Variants in GALK2 observed in about 807,000 individuals in gnomAD.
GALK2 encodes galactokinase 2, also known as N-acetylgalactosamine kinase.
A neutral mutation model predicts 52.4 loss-of-function variants in GALK2; 36 were observed. The ratio of observed to expected loss-of-function variants is 0.69; its 90% confidence interval spans 0.53 to 0.91. GALK2 has a LOEUF of 0.91. GALK2 is among the 40% of genes least tolerant of loss of function. The pLI is 0.00. For missense variants in GALK2, 579 were observed against 559.1 expected, an observed-to-expected ratio of 1.04 and a Z score of -0.36; for synonymous variants, 176 against 199.1, an observed-to-expected ratio of 0.88 and a Z score of 0.98.
intron 1 of GALK2, 49 bp from the exon 2 acceptor site, chr15:49,201,113 C>T (rs376528974): frequency 1.1e-4 from 108 of 953,288 alleles, no homozygotes; most frequent in Non-Finnish European, 1.6e-4. Context: ...TGTTATGTTA[C>T]GGATTTTCTG....
chr15:49,350,536 G>A (rs2042091086), intron 3 of GALK2, among the ~76,000 whole-genome samples: 1 of 152,072 alleles, frequency 6.6e-6, no homozygotes, highest in African/African-American at 2.4e-5. Context: ...AAGAATAGTG[G>A]GGGAAAGCAA....
chr15:49,276,904 G>GTTTTTTTTTTTTTTTTTTTTTGTTT (rs34440691), intron 5 of GALK2, among the ~76,000 whole-genome samples: 1 of 77,902 alleles, frequency 1.3e-5, no homozygotes, highest in Admixed American at 1.4e-4. Flanking sequence ...AGAATCTGAG[G>GTTTTTTTTTTTTTTTTTTTTTGTTT]TTTTTTTTTT....
chr15:49,365,631 A>C (rs938019024), intron 3 of GALK2: 3 of 1,103,782 alleles, frequency 2.7e-6, no homozygotes, highest in African/African-American at 3.1e-5. Flanking sequence ...CAAAAAATAC[A>C]TCATAGAGGA....
upstream of GALK2, among the ~76,000 whole-genome samples, chr15:49,168,829 A>C (rs2084913378): frequency 6.6e-6 from 1 of 151,940 alleles, no homozygotes; most frequent in Admixed American, 6.6e-5. Context: ...TTTACAAGTG[A>C]CAGTGATGAC....
intron 5 of GALK2, among the ~76,000 whole-genome samples, chr15:49,256,814 CTATT>C (rs2091834825): frequency 1.3e-5 from 2 of 152,042 alleles, no homozygotes; most frequent in Admixed American, 6.6e-5. Context: ...AGCATAGAGA[CTATT>C]TATTTTTTAA....
At chr15:49,269,478 A>G (rs1456358803) in intron 5 of GALK2, among the ~76,000 whole-genome samples, 1 of 152,196 alleles carries the variant, frequency 6.6e-6, no homozygotes. Context: ...TGTTTCATGA[A>G]GTTTTCCTTT....
At chr15:49,351,499 G>A (rs2042235717) in intron 3 of GALK2, among the ~76,000 whole-genome samples, 1 of 151,288 alleles carries the variant, frequency 6.6e-6, no homozygotes, top group African/African-American at 2.4e-5. Flanking sequence ...CCATCTAATC[G>A]ACTATTGGAG....
chr15:49,191,719 T>A (rs1412213860), intron 1 of GALK2, among the ~76,000 whole-genome samples: 1 of 152,212 alleles, frequency 6.6e-6, no homozygotes, highest in Admixed American at 6.5e-5. Flanking sequence ...CTGTAACTTA[T>A]AAGTATCTTT....
upstream of GALK2, among the ~76,000 whole-genome samples, chr15:49,167,272 A>G (rs2141160373): frequency 6.6e-6 from 1 of 152,348 alleles, no homozygotes; most frequent in Non-Finnish European, 1.5e-5. Context: ...ACCTATTGTA[A>G]GAGTGCCTAC....
intron 5 of GALK2, among the ~76,000 whole-genome samples, chr15:49,241,048 C>CA (rs1287173160): frequency 2.0e-5 from 3 of 151,956 alleles, no homozygotes. Flanking sequence ...TGGGGAACAG[C>CA]AAAGACTCAA....
At chr15:49,352,588 T>C (rs2042407421) in intron 3 of GALK2, among the ~76,000 whole-genome samples, 1 of 152,192 alleles carries the variant, frequency 6.6e-6, no homozygotes, top group African/African-American at 2.4e-5. Context: ...ATTTTCCTAT[T>C]CTGTGTTATG....
chr15:49,265,382 A>G (rs2092321775), intron 5 of GALK2, among the ~76,000 whole-genome samples: 1 of 152,228 alleles, frequency 6.6e-6, no homozygotes, highest in Admixed American at 6.5e-5. Flanking sequence ...AGCCAGGTGC[A>G]GGATATAATC....
At chr15:49,317,008 G>C (rs544299800) in intron 8 of GALK2, among the ~76,000 whole-genome samples, 5 of 152,318 alleles carry the variant, frequency 3.3e-5, no homozygotes, top group Admixed American at 6.5e-5. Context: ...GGACTGGGGT[G>C]TAAACAAAAG....
chr15:49,212,559 T>C (rs924176149), intron 2 of GALK2, among the ~76,000 whole-genome samples: 1 of 152,200 alleles, frequency 6.6e-6, no homozygotes, highest in Admixed American at 6.5e-5. Context: ...TTTCATTTGC[T>C]TTTGCCTTTC....
At chr15:49,165,925 C>A (rs1476647391), upstream of GALK2, among the ~76,000 whole-genome samples, 1 of 151,774 alleles carries the variant, frequency 6.6e-6, no homozygotes, top group East Asian at 1.9e-4. Context: ...GCCTTAGCCT[C>A]CCGAGTAGCT....
intron 5 of GALK2, among the ~76,000 whole-genome samples, chr15:49,248,114 T>C (rs781052093): frequency 2.0e-5 from 3 of 152,234 alleles, no homozygotes; most frequent in Non-Finnish European, 4.4e-5. Context: ...TCTTCACATA[T>C]AGCTGCATTT....
downstream of GALK2, among the ~76,000 whole-genome samples, chr15:49,335,176 G>A (rs138156871): frequency 1.3e-5 from 2 of 152,076 alleles, no homozygotes; most frequent in East Asian, 3.9e-4. Context: ...TCCTGTTGGG[G>A]TGCACCCCTC....
chr15:49,248,272 G>A (rs1258959849), intron 5 of GALK2, among the ~76,000 whole-genome samples: 1 of 152,184 alleles, frequency 6.6e-6, no homozygotes, highest in Non-Finnish European at 1.5e-5. Context: ...AGAAAAATCA[G>A]AAACCAATTT....
chr15:49,199,731 G>C (rs2087570198), intron 1 of GALK2, among the ~76,000 whole-genome samples: 1 of 152,146 alleles, frequency 6.6e-6, no homozygotes, highest in Non-Finnish European at 1.5e-5. Flanking sequence ...AAGTCTTGTA[G>C]AGTCAAGGCC....
Sources: gnomAD v4.1 joint callset for allele counts (sites outside exome capture counted in the v4.1 genomes callset) on GRCh38, gnomAD v4.1.1 for gene constraint, MANE v1.5 for transcripts, NCBI Gene and HGNC (gene_info 2026-07-23, HGNC 2026-07-21) for gene names.